ESF1: variants seen among roughly 807,000 people sequenced by gnomAD.
The protein encoded by ESF1 is ESF1 homolog.
In ESF1, 58 loss-of-function variants were observed where a neutral mutation model predicts 92.0. The observed-to-expected ratio is 0.63, with a 90% confidence interval of 0.51 to 0.78. The LOEUF (loss-of-function observed/expected upper bound fraction) is 0.78. Among genes scored for constraint, ESF1 ranks in the 30% least tolerant of loss-of-function variants. The pLI is 0.00. For synonymous variants in ESF1, 321 were observed against 313.7 expected (o/e 1.02, Z -0.24); for missense variants, 922 against 989.1 (o/e 0.93, Z 0.91).
chr20:13,782,909 C>A lies in ESF1; in HGVS notation c.232G>T (p.Asp78Tyr). The change falls in exon 2 of 14, where the codon GAT becomes TAT. Residue 78 changes from aspartate (D) to tyrosine (Y), a missense_variant. Transcript: ENST00000617257. ...CTATCTTCACCAGAGAGATTGGAATCAGAATCTGAAAGGTCGTAAAAACGC... is the reference window on the plus strand; with the variant it reads ...CTATCTTCACCAGAGAGATTGGAATAAGAATCTGAAAGGTCGTAAAAACGC... ...LKRFYDLSDS[D>Y]SNLSGEDSKA... is the part of the protein sequence containing the mutation. The A allele has an allele frequency of 6.2e-7, 1 of 1,614,010 alleles. No individual in the cohort carries two copies. Among genetic ancestry groups the A allele is most frequent in the Non-Finnish European group, 8.5e-7 (1 of 1,180,002 alleles).
At chr20:13,719,338 A>C (rs1468494121) in intron 11 of ESF1, among the ~76,000 whole-genome samples, 3 of 152,168 alleles carry the variant, frequency 2.0e-5, no homozygotes, top group African/African-American at 7.2e-5. Flanking sequence ...ATTCATAATA[A>C]AAGTAGTATA....
chr20:13,741,024 G>A (rs2050010328), intron 9 of ESF1, among the ~76,000 whole-genome samples: 1 of 151,846 alleles, frequency 6.6e-6, no homozygotes, highest in Non-Finnish European at 1.5e-5. Flanking sequence ...CTGCCCCCAG[G>A]AATCATCCCA....
In ESF1 at chr20:13,714,845, T is replaced by TCG; in HGVS notation, c.*28_*29insCG. 1 of 1,538,434 alleles carries TCG rather than the reference T, an allele frequency of 6.5e-7. No individual in the cohort carries two copies. ...TTTTTGTACATTTTAGGAAAAGATG[T>TCG]ATTCAGTTCAAAAATAAGTAACATC... On this transcript the variant is annotated 3_prime_UTR_variant, in exon 14 of 14. Transcript: ENST00000617257.
chr20:13,777,805 T>TG (rs5840578), intron 2 of ESF1, among the ~76,000 whole-genome samples: 148,329 of 152,258 alleles, frequency 0.97, 72,360 homozygotes, highest in East Asian at 1. Context: ...TTGGAGCTTA[T>TG]TTTCTGCTTA....
chr20:13,725,591 C>T (rs1600266618), intron 11 of ESF1, among the ~76,000 whole-genome samples: 1 of 152,176 alleles, frequency 6.6e-6, no homozygotes, highest in Non-Finnish European at 1.5e-5. Flanking sequence ...TCCCAGCCGC[C>T]GCTTCTCAGC....
chr20:13,736,386 A>C (rs917557527), intron 9 of ESF1, among the ~76,000 whole-genome samples: 3 of 152,170 alleles, frequency 2.0e-5, no homozygotes, highest in African/African-American at 7.2e-5. Context: ...AAAAAGGGCT[A>C]TGTCAATATT....
At position 13,766,922 on chromosome 20, in the gene ESF1, C is replaced by T. The variant is rs1453837316; in HGVS notation, c.1521G>A (p.Val507=). The T allele has an allele frequency of 1.9e-6, 3 of 1,603,006 alleles. No individual in the cohort carries two copies. The highest frequency in any genetic ancestry group is 2.7e-5 in the African/African-American group (2 of 74,350). Residue 507 remains valine (V), a splice_region_variant and synonymous_variant, in exon 8 of 14, where the codon GTG becomes GTA. Transcript: ENST00000617257. ...FTSAAMGTST[V]EITWDETDHE... ...GATCAGTCTCATCCCAAGTGATTTCCACCTTTCACCAACAAATAAGAAAAA... is the reference window on the plus strand; with the variant it reads ...GATCAGTCTCATCCCAAGTGATTTCTACCTTTCACCAACAAATAAGAAAAA...
chr20:13,775,965 C>T lies in ESF1; in HGVS notation c.943G>A (p.Asp315Asn). Residue 315 changes from aspartate to asparagine, a missense_variant, in exon 3 of 14, where the codon GAT becomes AAT. Coordinates refer to ENST00000617257, the MANE Select transcript of ESF1 (RefSeq NM_001276380.2). ...AACAAATCTGCCGTATCATCTTCAT[C>T]TTCAGAACTAGTTTCTATATTTCCT... The part of the protein sequence containing the change: ...GKGNIETSSE[D>N]EDDTADLFPE... 11 of 1,613,892 alleles carry T rather than the reference C, an allele frequency of 6.8e-6. No individual in the cohort carries two copies. Among genetic ancestry groups the T allele is most frequent in the Non-Finnish European group, 9.3e-6 (11 of 1,179,914 alleles).
intron 12 of ESF1, among the ~76,000 whole-genome samples, 152 bp downstream of exon 12, chr20:13,718,751 AACTAC>A (rs1300552110): frequency 2.6e-5 from 4 of 152,080 alleles, no homozygotes; most frequent in Non-Finnish European, 5.9e-5. Context: ...TGTATTTAGA[AACTAC>A]ACTGCTAAAA....
intron 9 of ESF1, among the ~76,000 whole-genome samples, chr20:13,756,214 T>C (rs1204212008): frequency 6.6e-6 from 1 of 152,224 alleles, no homozygotes; most frequent in Non-Finnish European, 1.5e-5. Flanking sequence ...TACAGAAAGA[T>C]TGCTCAATGA....
At chr20:13,751,574 G>C (rs1040752827) in intron 9 of ESF1, among the ~76,000 whole-genome samples, 2 of 152,100 alleles carry the variant, frequency 1.3e-5, no homozygotes, top group East Asian at 1.9e-4. Context: ...GCAGGGATGT[G>C]GGGGGGAACC....
chr20:13,744,514 C>T (rs768067675), intron 9 of ESF1, among the ~76,000 whole-genome samples: 14 of 152,204 alleles, frequency 9.2e-5, no homozygotes, highest in Non-Finnish European at 1.6e-4. Flanking sequence ...CTAAAGTCCA[C>T]CCAGAGATGT....
intron 2 of ESF1, among the ~76,000 whole-genome samples, chr20:13,780,783 C>T (rs1980147563): frequency 6.6e-6 from 1 of 152,234 alleles, no homozygotes; most frequent in Admixed American, 6.5e-5. Flanking sequence ...AACATCAACA[C>T]TCAAAATTGC....
chr20:13,715,372 T>C (rs2049817661), intron 13 of ESF1, among the ~76,000 whole-genome samples: 1 of 152,150 alleles, frequency 6.6e-6, no homozygotes, highest in Non-Finnish European at 1.5e-5. Flanking sequence ...GGGCACCCTG[T>C]TCTTATCATG....
At chr20:13,777,228 CAG>C (rs945119657) in intron 2 of ESF1, among the ~76,000 whole-genome samples, 129 of 152,154 alleles carry the variant, frequency 8.5e-4, no homozygotes, top group Non-Finnish European at 1.3e-3. Context: ...ACATGGATTT[CAG>C]AGTCAGTCAG....
intron 3 of ESF1, among the ~76,000 whole-genome samples, 189 bp from the exon 4 acceptor site, chr20:13,775,459 G>C (rs1979888467): frequency 6.6e-6 from 1 of 152,100 alleles, no homozygotes; most frequent in Admixed American, 6.5e-5. Context: ...AACCATAACA[G>C]GTAAGTACTT....
intron 8 of ESF1, 73 bp from the exon 9 acceptor site, chr20:13,759,926 T>C: frequency 1.3e-6 from 2 of 1,485,660 alleles, no homozygotes; most frequent in Non-Finnish European, 1.8e-6. Context: ...TTATGGTCAC[T>C]CTCTTTTAAA....
At chr20:13,768,914 G>GA (rs1568726357) in intron 7 of ESF1, among the ~76,000 whole-genome samples, 2 of 143,930 alleles carry the variant, frequency 1.4e-5, no homozygotes, top group South Asian at 4.3e-4. Flanking sequence ...AAAAAAAAAA[G>GA]AAAGAAAGGA....
chr20:13,774,790 G>A (rs1451642288), intron 4 of ESF1, among the ~76,000 whole-genome samples: 8 of 152,070 alleles, frequency 5.3e-5, no homozygotes, highest in Non-Finnish European at 1.2e-4. Context: ...TGTTTATTAA[G>A]GTAATTTCCA....
Sources: allele counts gnomAD v4.1 joint callset (sites outside exome capture counted in the v4.1 genomes callset), GRCh38; gene constraint gnomAD v4.1.1; transcripts MANE v1.5; gene names NCBI Gene and HGNC (gene_info 2026-07-23, HGNC 2026-07-21).